Variants in PDE7B observed in about 807,000 individuals in gnomAD.
The protein encoded by PDE7B is 3',5'-cyclic-AMP phosphodiesterase 7B.
PDE7B carries 29 observed loss-of-function variants against 56.2 expected under a neutral mutation model. The ratio of observed to expected loss-of-function variants is 0.52; its 90% CI spans 0.38 to 0.70. PDE7B has a LOEUF of 0.70. Ranked by LOEUF, PDE7B falls within the 30% of genes least tolerant of loss-of-function variation. The pLI is 0.00. For missense variants in PDE7B, 490 were observed against 565.0 expected (o/e 0.87, Z 1.35); for synonymous variants, 197 against 196.9 (o/e 1.00, Z 0.00).
intron 1 of PDE7B, among the ~76,000 whole-genome samples, chr6:135,914,817 T>G (rs1776272394): frequency 1.4e-5 from 2 of 144,606 alleles, no homozygotes; most frequent in Non-Finnish European, 3.1e-5. Context: ...ATTCCTGGCC[T>G]GGCGTGGTGG....
intron 2 of PDE7B, among the ~76,000 whole-genome samples, chr6:136,055,018 A>G (rs557639027): frequency 6.6e-6 from 1 of 152,312 alleles, no homozygotes; most frequent in East Asian, 1.9e-4. Context: ...TCAAGGTGAG[A>G]GCCAAACCAT....
At chr6:136,158,780 G>C (rs1234421503) in intron 8 of PDE7B, among the ~76,000 whole-genome samples, 1 of 152,108 alleles carries the variant, frequency 6.6e-6, no homozygotes. Context: ...AGGTGTCCAG[G>C]GTGGACTGGG....
intron 1 of PDE7B, among the ~76,000 whole-genome samples, chr6:135,943,172 T>A (rs1220348415): frequency 6.6e-6 from 1 of 152,254 alleles, no homozygotes; most frequent in African/African-American, 2.4e-5. Context: ...ATTTTTGTTT[T>A]ACAATCTTAT....
intron 2 of PDE7B, among the ~76,000 whole-genome samples, chr6:136,089,898 T>G (rs978268317): frequency 2.0e-5 from 3 of 152,210 alleles, no homozygotes; most frequent in African/African-American, 7.2e-5. Flanking sequence ...AGAAGGCACT[T>G]TTAGCTATTT....
chr6:135,949,462 T>C (rs1774657875), intron 2 of PDE7B, among the ~76,000 whole-genome samples: 1 of 152,080 alleles, frequency 6.6e-6, no homozygotes, highest in South Asian at 2.1e-4. Context: ...ATCTGCCAGA[T>C]TGCACAAAAT....
chr6:135,996,083 A>T (rs909513612), intron 2 of PDE7B, among the ~76,000 whole-genome samples: 2 of 152,200 alleles, frequency 1.3e-5, no homozygotes, highest in Non-Finnish European at 2.9e-5. Flanking sequence ...CCTCTACTTG[A>T]TGGTGATACA....
chr6:135,923,499 G>C (rs899054608), intron 1 of PDE7B, among the ~76,000 whole-genome samples: 6 of 152,030 alleles, frequency 3.9e-5, no homozygotes, highest in Non-Finnish European at 8.8e-5. Flanking sequence ...ATAAACAATG[G>C]GAAACTGATG....
At chr6:135,984,091 C>G (rs1775340404) in intron 2 of PDE7B, among the ~76,000 whole-genome samples, 1 of 152,224 alleles carries the variant, frequency 6.6e-6, no homozygotes, top group African/African-American at 2.4e-5. Flanking sequence ...TTTCATCCAC[C>G]TATTAGACCA....
At chr6:135,960,726 G>A (rs528900562) in intron 2 of PDE7B, among the ~76,000 whole-genome samples, 9 of 152,106 alleles carry the variant, frequency 5.9e-5, no homozygotes, top group Middle Eastern at 3.4e-3. Flanking sequence ...AGTTTCCCTC[G>A]TACCGCCTCC....
intron 1 of PDE7B, among the ~76,000 whole-genome samples, chr6:135,931,397 GT>G (rs1774289976): frequency 6.6e-6 from 1 of 152,148 alleles, no homozygotes; most frequent in Non-Finnish European, 1.5e-5. Flanking sequence ...ACAAGATCAT[GT>G]TTTTGAAAAT....
intron 6 of PDE7B, among the ~76,000 whole-genome samples, chr6:136,153,777 T>C (rs1778561946): frequency 6.6e-6 from 1 of 152,168 alleles, no homozygotes; most frequent in Admixed American, 6.6e-5. Flanking sequence ...TTATTTTTCC[T>C]ATGAATGACA....
At chr6:136,180,421 A>AC (rs1261155428) in intron 10 of PDE7B, among the ~76,000 whole-genome samples, 4 of 152,164 alleles carry the variant, frequency 2.6e-5, no homozygotes, top group Non-Finnish European at 5.9e-5. Context: ...ACTTACCTCT[A>AC]CTTCAACATG....
rs59388049 is a variant in PDE7B, at chr6:135,997,413, C to CAAAAAAA, written c.82+49921_82+49927dup. Among the ~76,000 whole-genome samples, 12 of 10,714 alleles carry CAAAAAAA rather than the reference C, an allele frequency of 1.1e-3. 2 individuals are homozygous for CAAAAAAA. Among genetic ancestry groups the CAAAAAAA allele is most frequent in the Non-Finnish European group, 2.1e-3 (9 of 4,312 alleles). The allele number at this position is 10,714 out of a possible 152,430, so 7.0% of individuals were successfully genotyped here. On this transcript the variant is annotated intron_variant, in intron 2 of 12. Coordinates refer to ENST00000308191, the MANE Select transcript of PDE7B (RefSeq NM_018945.4). ...TAGCTGACAGAATGAGACCCTGTCT[C>CAAAAAAA]AAAAAAAAAAAAAAAAAAAAAAAAA...
At chr6:136,185,128 G>C (rs774162417) in intron 11 of PDE7B, among the ~76,000 whole-genome samples, 1 of 152,176 alleles carries the variant, frequency 6.6e-6, no homozygotes, top group Non-Finnish European at 1.5e-5. Context: ...ATCATCTGGA[G>C]TTGAAGAGTT....
chr6:135,856,916 G>C (rs1238273396), intron 1 of PDE7B, among the ~76,000 whole-genome samples: 1 of 151,922 alleles, frequency 6.6e-6, no homozygotes, highest in Non-Finnish European at 1.5e-5. Context: ...TACCAGTAAA[G>C]AAACTTTGTC....
chr6:135,923,976 C>T (rs1774137227), intron 1 of PDE7B, among the ~76,000 whole-genome samples: 1 of 152,024 alleles, frequency 6.6e-6, no homozygotes. Flanking sequence ...CACTAGTAAT[C>T]TAAGAAATCT....
intron 8 of PDE7B, among the ~76,000 whole-genome samples, chr6:136,165,090 G>A (rs1293062757): frequency 1.3e-5 from 2 of 152,186 alleles, no homozygotes; most frequent in African/African-American, 4.8e-5. Flanking sequence ...TTCACTGAAT[G>A]AGCAGACCAC....
intron 1 of PDE7B, among the ~76,000 whole-genome samples, chr6:135,902,862 C>T (rs1776030194): frequency 6.6e-6 from 1 of 152,102 alleles, no homozygotes; most frequent in East Asian, 1.9e-4. Flanking sequence ...CACATCCTGG[C>T]TCAATTATCA....
intron 2 of PDE7B, among the ~76,000 whole-genome samples, chr6:135,951,765 G>T (rs547975180): frequency 6.6e-5 from 10 of 151,790 alleles, no homozygotes; most frequent in Admixed American, 3.9e-4. Flanking sequence ...CCCTGTTTTT[G>T]TCTCATGTAT....
Sources: gnomAD v4.1 joint callset for allele counts (sites outside exome capture counted in the v4.1 genomes callset) on GRCh38, gnomAD v4.1.1 for gene constraint, MANE v1.5 for transcripts, NCBI Gene and HGNC (gene_info 2026-07-23, HGNC 2026-07-21) for gene names.